The following XIRP2 variants were observed in gnomAD, a reference collection of about 807,000 sequenced individuals.
XIRP2 encodes xin actin binding repeat containing 2.
Under a neutral mutation model 277.0 loss-of-function variants are expected in XIRP2, and 236 were observed. That is an observed-to-expected ratio of 0.85 (90% CI 0.77 to 0.95). The LOEUF (loss-of-function observed/expected upper bound fraction) is 0.95, where lower values mean the gene tolerates loss of function less well. Ranked by LOEUF, XIRP2 falls within the 40% of genes least tolerant of loss-of-function variation. XIRP2 has a pLI of 0.00. For synonymous variants in XIRP2, 1,490 were observed against 1,416.5 expected (o/e 1.05, Z -1.17); for missense variants, 4,640 against 4,157.5 (o/e 1.12, Z -3.19).
chr2:167,250,292 A>C lies in XIRP2; in HGVS notation c.8900A>C (p.Glu2967Ala). 1 of 1,613,090 alleles carries C rather than the reference A, an allele frequency of 6.2e-7. No individual in the cohort carries two copies. The highest frequency in any genetic ancestry group is 8.5e-7 in the Non-Finnish European group (1 of 1,179,580). The change falls in exon 9 of 11, where the codon GAG becomes GCG. Residue 2967 changes from glutamate (E) to alanine (A), a missense_variant. Glu to Ala is a moderately radical substitution (Grantham distance 107, BLOSUM62 -1). Transcript: ENST00000409195. Reference sequence around the variant, plus strand: ...TCGAGAGTGAAACAGTTTGAAGCAGAGCCAAATAAAAGTGGCCTTAAAACA... The same window carrying C: ...TCGAGAGTGAAACAGTTTGAAGCAGCGCCAAATAAAAGTGGCCTTAAAACA... ...ILSRVKQFEA[E>A]PNKSGLKTFQ...
At chr2:167,233,782 A>C (rs1479546095) in intron 5 of XIRP2, among the ~76,000 whole-genome samples, 1 of 151,356 alleles carries the variant, frequency 6.6e-6, no homozygotes, top group Non-Finnish European at 1.5e-5. Context: ...TTTGTTGGAC[A>C]TTTATGTTTA....
chr2:167,100,483 A>G (rs1384403461), intron 2 of XIRP2, among the ~76,000 whole-genome samples: 1 of 152,230 alleles, frequency 6.6e-6, no homozygotes, highest in African/African-American at 2.4e-5. Flanking sequence ...ATCTAGCACC[A>G]CCAAATCCTC....
chr2:167,245,554 A>G lies in XIRP2; in HGVS notation c.4162A>G (p.Arg1388Gly), dbSNP rs1298885382. The change falls in exon 9 of 11, where the codon AGA becomes GGA. Residue 1388 changes from arginine (R) to glycine (G), a missense_variant. By Grantham distance (125) the Arg-to-Gly change is moderately radical. Transcript: ENST00000409195. Reference sequence around the variant, plus strand: ...TCAGAAGGGAGATGTTAGTTCTGTCAGATACAGATTTGAAACTCAGCCACT... The same window carrying G: ...TCAGAAGGGAGATGTTAGTTCTGTCGGATACAGATTTGAAACTCAGCCACT... Reference protein sequence around the residue: ...DIQKGDVSSVRYRFETQPLDQ... With the variant: ...DIQKGDVSSVGYRFETQPLDQ... The G allele has an allele frequency of 4.3e-6, 7 of 1,613,568 alleles. No individual in the cohort carries two copies. The highest frequency in any genetic ancestry group is 5.9e-6 in the Non-Finnish European group (7 of 1,179,768).
intron 5 of XIRP2, among the ~76,000 whole-genome samples, chr2:167,225,764 T>C (rs1694579108): frequency 6.6e-6 from 1 of 152,180 alleles, no homozygotes; most frequent in Non-Finnish European, 1.5e-5. Flanking sequence ...CTTACTCTGG[T>C]AAAAATTAAA....
At chr2:167,154,286 T>C (rs1177929297) in intron 3 of XIRP2, among the ~76,000 whole-genome samples, 1 of 150,802 alleles carries the variant, frequency 6.6e-6, no homozygotes, top group African/African-American at 2.5e-5. Context: ...TTGTTTGAGT[T>C]CATTGTAGAT....
At chr2:166,979,265 G>C (rs1329444776) in intron 2 of XIRP2, among the ~76,000 whole-genome samples, 3 of 151,946 alleles carry the variant, frequency 2.0e-5, no homozygotes, top group Non-Finnish European at 4.4e-5. Flanking sequence ...CTAGGATACC[G>C]TGTGTCTGTC....
rs1685860498 is a variant in XIRP2 at position 166,946,269 on chromosome 2, T to G, written c.408+42379T>G. ...TCTGCACTGTTTAAGTAAAACCTAATGTTGAAAATGATGAATTCTTCTTCA... is the reference window on the plus strand; with the variant it reads ...TCTGCACTGTTTAAGTAAAACCTAAGGTTGAAAATGATGAATTCTTCTTCA... On this transcript the variant is annotated intron_variant, in intron 2 of 10. Transcript: ENST00000409195. 2.0e-5 allele frequency among the ~76,000 whole-genome samples: 3 copies of G among 152,290 alleles called. No homozygotes were observed. The South Asian group carries it at 6.2e-4, about 32-fold the overall frequency.
Position 167,251,172 on chromosome 2 carries a change from G to A in XIRP2, c.9780G>A (p.Glu3260=), listed in dbSNP as rs746756891. The A allele has an allele frequency of 2.4e-5, 38 of 1,613,438 alleles. No individual in the cohort carries two copies. In the South Asian group the frequency reaches 3.6e-4, roughly 15 times the overall value. The part of the protein sequence containing the change: ...GSFRESVDAQ[E]EIRKVEKRAT... Reference sequence around the variant, plus strand: ...TCAGAGAATCTGTGGACGCTCAAGAGGAAATCAGGAAAGTGGAGAAGAGAG... The same window carrying A: ...TCAGAGAATCTGTGGACGCTCAAGAAGAAATCAGGAAAGTGGAGAAGAGAG... Residue 3260 remains glutamate, a synonymous_variant, in exon 9 of 11, where the codon GAG becomes GAA. Coordinates refer to ENST00000409195, the MANE Select transcript of XIRP2 (RefSeq NM_152381.6).
intron 2 of XIRP2, among the ~76,000 whole-genome samples, chr2:166,958,003 A>G (rs1686206557): frequency 6.6e-6 from 1 of 151,838 alleles, no homozygotes; most frequent in African/African-American, 2.4e-5. Context: ...TATAATTGCA[A>G]ACTAATGAAG....
chr2:167,089,184 G>T (rs967824402), intron 2 of XIRP2, among the ~76,000 whole-genome samples: 1 of 152,112 alleles, frequency 6.6e-6, no homozygotes, highest in Non-Finnish European at 1.5e-5. Flanking sequence ...AGCATCACAT[G>T]TAGAGAGGAC....
At chr2:167,097,768 G>C (rs1256187659) in intron 2 of XIRP2, among the ~76,000 whole-genome samples, 1 of 152,086 alleles carries the variant, frequency 6.6e-6, no homozygotes, top group Non-Finnish European at 1.5e-5. Flanking sequence ...CTCAGTATTT[G>C]CTTGACTGTA....
chr2:167,162,786 A>C (rs1224173516), intron 3 of XIRP2, among the ~76,000 whole-genome samples: 1 of 152,316 alleles, frequency 6.6e-6, no homozygotes, highest in Non-Finnish European at 1.5e-5. Context: ...CATGTTCATC[A>C]CCACAGAGTG....
intron 2 of XIRP2, among the ~76,000 whole-genome samples, chr2:166,907,850 T>C (rs1000300018): frequency 2.7e-5 from 4 of 146,850 alleles, no homozygotes; most frequent in African/African-American, 7.5e-5. Context: ...CACCTATGAG[T>C]GAGAACATGC....
chr2:167,202,465 T>C (rs919883114), intron 3 of XIRP2, among the ~76,000 whole-genome samples: 4 of 152,176 alleles, frequency 2.6e-5, no homozygotes, highest in Non-Finnish European at 1.5e-5. Flanking sequence ...TGACAGCAGG[T>C]AGAAATAACA....
chr2:166,937,993 T>TTTATTATTA (rs1219630552), intron 2 of XIRP2, among the ~76,000 whole-genome samples: 2 of 152,182 alleles, frequency 1.3e-5, no homozygotes, highest in Non-Finnish European at 2.9e-5. Flanking sequence ...TCTTTTCTTG[T>TTTATTATTA]TTATTAGCTT....
At chr2:167,099,822 C>T (rs1302170554) in intron 2 of XIRP2, among the ~76,000 whole-genome samples, 2 of 152,198 alleles carry the variant, frequency 1.3e-5, no homozygotes, top group East Asian at 1.9e-4. Flanking sequence ...TCTGCTCGCC[C>T]TCCGTGGGCT....
intron 2 of XIRP2, among the ~76,000 whole-genome samples, chr2:167,049,293 T>A (rs972760824): frequency 1.3e-5 from 2 of 151,972 alleles, no homozygotes; most frequent in Non-Finnish European, 2.9e-5. Context: ...ATTTTTAAAT[T>A]TGCTTTTATT....
chr2:167,115,054 C>T (rs1690860479), intron 2 of XIRP2, among the ~76,000 whole-genome samples: 1 of 152,142 alleles, frequency 6.6e-6, no homozygotes, highest in Admixed American at 6.5e-5. Flanking sequence ...AGTTTACAGT[C>T]CCACCAACAG....
chr2:167,238,392 G>C (rs143170336), intron 5 of XIRP2, among the ~76,000 whole-genome samples: 84 of 152,098 alleles, frequency 5.5e-4, no homozygotes, highest in Middle Eastern at 3.4e-3. Flanking sequence ...TTCTAGGAAG[G>C]CCTCAACATT....
Sources: allele counts gnomAD v4.1 joint callset (sites outside exome capture counted in the v4.1 genomes callset), GRCh38; gene constraint gnomAD v4.1.1; transcripts MANE v1.5; gene names NCBI Gene and HGNC (gene_info 2026-07-23, HGNC 2026-07-21).